Variants in LOC400499 observed in about 807,000 individuals in gnomAD.
the LOC400499 span, among the ~76,000 whole-genome samples, chr16:11,419,910 G>T: frequency 2.0e-5 from 3 of 151,384 alleles, no homozygotes; most frequent in African/African-American, 7.3e-5. Flanking sequence ...TCTCACACCA[G>T]TTAGAATGGC....
the LOC400499 span, chr16:11,417,897 C>T: frequency 0.062 from 24,541 of 398,224 alleles, 799 homozygotes; most frequent in Middle Eastern, 0.12. Flanking sequence ...CAGCCTGGGT[C>T]AAGCTGGCAC....
At chr16:11,429,221 G>A in the LOC400499 span, among the ~76,000 whole-genome samples, 28 of 152,264 alleles carry the variant, frequency 1.8e-4, no homozygotes, top group South Asian at 2.5e-3. Context: ...CCCTGGTACT[G>A]TCCTTTCCAT....
the LOC400499 span, chr16:11,412,959 G>C: frequency 2.5e-6 from 1 of 399,318 alleles, no homozygotes; most frequent in African/African-American, 2.1e-5. Flanking sequence ...ACGAGCTGAG[G>C]AGGGAGCAGG....
the LOC400499 span, among the ~76,000 whole-genome samples, chr16:11,409,111 A>G: frequency 4.2e-4 from 64 of 151,962 alleles, no homozygotes; most frequent in Non-Finnish European, 7.9e-4. Flanking sequence ...AAATACAAAA[A>G]TTAGCCAGGC....
chr16:11,470,031 C>T, the LOC400499 span, among the ~76,000 whole-genome samples: 1 of 152,148 alleles, frequency 6.6e-6, no homozygotes, highest in Non-Finnish European at 1.5e-5. Context: ...GCCTCCTGAG[C>T]AGCTGGGATT....
chr16:11,506,494 T>C, the LOC400499 span, among the ~76,000 whole-genome samples: 1 of 152,204 alleles, frequency 6.6e-6, no homozygotes, highest in African/African-American at 2.4e-5. Context: ...GAGCTCCTTG[T>C]TCTCAGAACA....
the LOC400499 span, among the ~76,000 whole-genome samples, chr16:11,458,690 G>C: frequency 6.6e-6 from 1 of 152,044 alleles, no homozygotes; most frequent in East Asian, 1.9e-4. Flanking sequence ...AGTGGTGATG[G>C]TTGCACAAGA....
At chr16:11,486,451 G>C in the LOC400499 span, among the ~76,000 whole-genome samples, 8 of 127,882 alleles carry the variant, frequency 6.3e-5, no homozygotes, top group African/African-American at 2.6e-4. Context: ...TGGATGAATG[G>C]TACATGGGTA....
the LOC400499 span, among the ~76,000 whole-genome samples, chr16:11,464,471 G>C: frequency 2.0e-5 from 3 of 152,192 alleles, no homozygotes; most frequent in Non-Finnish European, 1.5e-5. Flanking sequence ...GCGTAAACTG[G>C]GGCTCTCCAG....
the LOC400499 span, chr16:11,384,874 GGGCCCAGACCCACCGTGCTGCCAGA>G: frequency 8.1e-7 from 1 of 1,232,248 alleles, no homozygotes. Flanking sequence ...AACCCTCCTG[GGGCCCAGACCCACCGTGCTGCCAGA>G]GGCCCAGAGT....
chr16:11,391,632 G>C, the LOC400499 span: 1 of 1,231,618 alleles, frequency 8.1e-7, no homozygotes, highest in South Asian at 4.1e-5. Flanking sequence ...ATTGATTTCC[G>C]CACAGGATTG....
the LOC400499 span, chr16:11,462,188 C>G: frequency 6.5e-7 from 1 of 1,534,762 alleles, no homozygotes; most frequent in Non-Finnish European, 8.7e-7. Flanking sequence ...GCCCACCTGC[C>G]GTGTGAGGTT....
chr16:11,391,847 G>T, the LOC400499 span: 1 of 1,230,578 alleles, frequency 8.1e-7, no homozygotes, highest in Non-Finnish European at 1.0e-6. Context: ...CGTCCAGGGT[G>T]CCTGCCGGCT....
chr16:11,476,806 T>C, the LOC400499 span: 2 of 399,154 alleles, frequency 5.0e-6, no homozygotes, highest in Non-Finnish European at 8.8e-6. Context: ...CGTGTTCAGA[T>C]GCACCTTAAG....
the LOC400499 span, among the ~76,000 whole-genome samples, chr16:11,487,615 G>C: frequency 1.3e-5 from 2 of 152,282 alleles, no homozygotes; most frequent in Admixed American, 1.3e-4. Flanking sequence ...GGTGCCCAGA[G>C]CACCCGACCC....
the LOC400499 span, among the ~76,000 whole-genome samples, chr16:11,411,524 G>A: frequency 6.6e-6 from 1 of 152,212 alleles, no homozygotes; most frequent in Non-Finnish European, 1.5e-5. Context: ...GCTGGACTCT[G>A]GAGCCAAGTT....
the LOC400499 span, among the ~76,000 whole-genome samples, chr16:11,485,832 G>A: frequency 6.6e-6 from 1 of 152,170 alleles, no homozygotes; most frequent in African/African-American, 2.4e-5. Flanking sequence ...GATAATAGAT[G>A]GATGTGTGAC....
the LOC400499 span, chr16:11,385,387 C>A: frequency 8.1e-7 from 1 of 1,232,294 alleles, no homozygotes; most frequent in African/African-American, 1.5e-5. Context: ...AAGGTCACCA[C>A]GTGCTGGGCC....
chr16:11,478,469 C>T, the LOC400499 span: 1 of 398,720 alleles, frequency 2.5e-6, no homozygotes, highest in Non-Finnish European at 4.4e-6. Context: ...ATTTCATGCC[C>T]TTAAGTGCTT....
Sources: gnomAD v4.1 joint callset for allele counts (sites outside exome capture counted in the v4.1 genomes callset) on GRCh38, gnomAD v4.1.1 for gene constraint, MANE v1.5 for transcripts.